RSRP1: variants seen among roughly 807,000 people sequenced by gnomAD.
RSRP1 encodes arginine and serine rich protein 1, also known as arginine/serine-rich protein 1.
A neutral mutation model predicts 33.0 loss-of-function variants in RSRP1; 37 were observed. That is an observed-to-expected ratio of 1.12 (90% CI 0.86 to 1.48). The LOEUF (loss-of-function observed/expected upper bound fraction) is 1.48, where lower values mean the gene tolerates loss of function less well. Among genes scored for constraint, RSRP1 ranks in the 40% most tolerant of loss-of-function variants. The pLI, the probability that RSRP1 is intolerant of heterozygous loss-of-function variation, is 0.00. For synonymous variants in RSRP1, 167 were observed against 158.7 expected, an observed-to-expected ratio of 1.05 and a Z score of -0.40; for missense variants, 402 against 385.3, an observed-to-expected ratio of 1.04 and a Z score of -0.36.
At position 25,242,528 on chromosome 1, in the gene RSRP1, G is replaced by C; in HGVS notation, c.*61C>G. 9.4e-7 allele frequency: 1 copy of C among 1,058,558 alleles called. No homozygotes were observed. The highest frequency in any genetic ancestry group is 2.0e-5 in the Admixed American group (1 of 49,744). 65.6% of individuals were successfully genotyped at this position (1,058,558 alleles called of 1,614,324 possible). A position where few individuals can be genotyped will look rare whatever the true frequency, so the allele number is the denominator to read the frequency against. ...GGCTCAAAGGGATGGGATAATGCTA[G>C]AAACACTAACTTGCAATAAAGTGCA... On this transcript the variant is annotated 3_prime_UTR_variant, in exon 5 of 5. Coordinates refer to ENST00000243189, the MANE Select transcript of RSRP1 (RefSeq NM_020317.5).
At chr1:25,243,739 A>G in intron 3 of RSRP1, 106 bp from the exon 4 acceptor site, 1 of 1,487,554 alleles carries the variant, frequency 6.7e-7, no homozygotes, top group Non-Finnish European at 9.0e-7. Flanking sequence ...TGTAGACACA[A>G]AAATCAACTT....
intron 1 of RSRP1, among the ~76,000 whole-genome samples, chr1:25,256,140 T>C (rs1304644347): frequency 2.6e-5 from 4 of 151,230 alleles, no homozygotes; most frequent in African/African-American, 9.7e-5. Flanking sequence ...AAGTCTTCTA[T>C]CCGGATCTTT....
At chr1:25,262,708 A>G (rs28712173) in intron 1 of RSRP1, among the ~76,000 whole-genome samples, 1,995 of 152,196 alleles carry the variant, frequency 0.013, 43 homozygotes, top group African/African-American at 0.043. Flanking sequence ...GGAAAGGCTG[A>G]TGTAGGTCCT....
chr1:25,272,387 C>T lies in RSRP1; in HGVS notation c.-66-25358G>A, dbSNP rs1362922268. 2.9e-5 allele frequency: 29 copies of T among 1,002,128 alleles called. 4 individuals are homozygous for T. In the African/African-American group the frequency reaches 3.9e-4, roughly 13 times the overall value. The allele number at this position is 1,002,128 out of a possible 1,614,324, so 62.1% of individuals were successfully genotyped here. A position where few individuals can be genotyped will look rare whatever the true frequency, so the allele number is the denominator to read the frequency against. Reference sequence around the variant, plus strand: ...CTCCCCATCATAGTCCCTCTGCTTCCGTGTTAACTCCATAGAGAGGCCAGC... The same window carrying T: ...CTCCCCATCATAGTCCCTCTGCTTCTGTGTTAACTCCATAGAGAGGCCAGC... On this transcript the variant is annotated intron_variant, in intron 1 of 1. Transcript: ENST00000561867.
At chr1:25,250,136 A>T (rs145512634), upstream of RSRP1, among the ~76,000 whole-genome samples, 684 of 152,330 alleles carry the variant, frequency 4.5e-3, 8 homozygotes, top group African/African-American at 0.015. Flanking sequence ...GCAAAAAGTT[A>T]AAAAAGTTAA....
At chr1:25,244,161 G>C in intron 3 of RSRP1, 1 of 1,288,126 alleles carries the variant, frequency 7.8e-7, no homozygotes, top group South Asian at 1.2e-5. Context: ...CACATTTCTG[G>C]AGAATTATAA....
At chr1:25,296,614 C>A (rs72660911) in intron 1 of RSRP1, among the ~76,000 whole-genome samples, 1,362 of 131,614 alleles carry the variant, frequency 0.01, 372 homozygotes, top group Non-Finnish European at 0.02. Context: ...GTAATCCCCA[C>A]GTGTTGAGGG....
chr1:25,307,088 C>G (rs1227968156), intron 1 of RSRP1: 1 of 325,974 alleles, frequency 3.1e-6, no homozygotes, highest in African/African-American at 2.3e-5. Flanking sequence ...TGCGTACTAG[C>G]TGGGCATGTG....
rs1179972707 is a variant in RSRP1 at position 25,298,689 on chromosome 1, A to G, written c.-67+39289T>C. Among the ~76,000 whole-genome samples the G allele has an allele frequency of 3.0e-5, 4 of 131,526 alleles. 1 individual carries two copies. In the South Asian group the frequency reaches 6.9e-4, roughly 23 times the overall value. 86.3% of individuals were successfully genotyped at this position (131,526 alleles called of 152,430 possible). The stretch of plus-strand genomic sequence containing the variant: ...TTTACCATCATTTGTTCCCTTCACA[A>G]ATATTTATTTGGTATTTACTATATA... On this transcript the variant is annotated intron_variant, in intron 1 of 1. Transcript: ENST00000561867.
At chr1:25,337,296 G>T (rs1443639315) in intron 1 of RSRP1, 1 of 151,936 alleles carries the variant, frequency 6.6e-6, no homozygotes, top group African/African-American at 2.4e-5. Context: ...GAGACCGCAC[G>T]TTGCGCCTGT....
chr1:25,333,064 G>T (rs1645038125), intron 1 of RSRP1, among the ~76,000 whole-genome samples: 3 of 131,706 alleles, frequency 2.3e-5, no homozygotes, highest in Admixed American at 2.2e-4. Context: ...AGACCCAACA[G>T]CCTGGGATCC....
Position 25,334,185 on chromosome 1 carries a change from G to A in RSRP1, c.-67+3793C>T, listed in dbSNP as rs1645050647. On this transcript the variant is annotated intron_variant, in intron 1 of 1. Transcript: ENST00000561867. ...TAATTACTTCCTAGATACAATGGGG[G>A]TACAGGCATTGGGTAAATACAGCCA... Among the ~76,000 whole-genome samples the A allele has an allele frequency of 1.5e-5, 2 of 132,038 alleles. 1 individual carries two copies. Among genetic ancestry groups the A allele is most frequent in the Non-Finnish European group, 3.6e-5 (2 of 55,936 alleles). The allele number at this position is 132,038 out of a possible 152,430, so 86.6% of individuals were successfully genotyped here. A position where few individuals can be genotyped will look rare whatever the true frequency, so the allele number is the denominator to read the frequency against.
rs1310563773 is a variant in RSRP1, at chr1:25,268,444, A to T, written c.-66-21415T>A. ...TGAGGAAGGAGAATCGCTTGAACCT[A>T]AAAGGCAGAAGTTGCAATGAGCCAA... On this transcript the variant is annotated intron_variant, in intron 1 of 1. Transcript: ENST00000561867. 2.3e-5 allele frequency among the ~76,000 whole-genome samples: 3 copies of T among 128,122 alleles called. 1 individual carries two copies. Among genetic ancestry groups the T allele is most frequent in the African/African-American group, 8.0e-5 (3 of 37,688 alleles). 84.1% of individuals were successfully genotyped at this position (128,122 alleles called of 152,430 possible). A position where few individuals can be genotyped will look rare whatever the true frequency, so the allele number is the denominator to read the frequency against.
chr1:25,298,980 T>C (rs2904843), intron 1 of RSRP1, among the ~76,000 whole-genome samples: 27,471 of 121,188 alleles, frequency 0.23, 7,422 homozygotes, highest in Admixed American at 0.3. Flanking sequence ...GCACAAGCCA[T>C]ATGGGTACCT....
intron 1 of RSRP1, among the ~76,000 whole-genome samples, chr1:25,273,928 A>G (rs1461708952): frequency 3.1e-5 from 4 of 130,484 alleles, no homozygotes; most frequent in African/African-American, 7.8e-5. Context: ...GGAAGCCCTT[A>G]TACCATTTAA....
intron 1 of RSRP1, among the ~76,000 whole-genome samples, chr1:25,273,206 G>T (rs2124579707): frequency 7.8e-6 from 1 of 128,824 alleles, no homozygotes; most frequent in Admixed American, 7.6e-5. Flanking sequence ...CATGATCATG[G>T]TTCACTGCAG....
chr1:25,315,496 T>A lies in RSRP1; in HGVS notation c.-67+22482A>T, dbSNP rs1347682679. Among the ~76,000 whole-genome samples the A allele has an allele frequency of 3.3e-5, 4 of 122,972 alleles. 1 individual carries two copies. Among genetic ancestry groups the A allele is most frequent in the African/African-American group, 1.2e-4 (4 of 33,766 alleles). 80.7% of individuals were successfully genotyped at this position (122,972 alleles called of 152,430 possible). A position where few individuals can be genotyped will look rare whatever the true frequency, so the allele number is the denominator to read the frequency against. ...CTTTTTAATTTATTTTTCTTTTCTT[T>A]CTTTCTTTTTTTTTTTTTGAGATGG... On this transcript the variant is annotated intron_variant, in intron 1 of 1. Coordinates refer to the RSRP1 transcript ENST00000561867.
intron 1 of RSRP1, among the ~76,000 whole-genome samples, chr1:25,282,316 C>A (rs1301850812): frequency 7.6e-6 from 1 of 131,360 alleles, no homozygotes; most frequent in Non-Finnish European, 1.8e-5. Flanking sequence ...CTCACTGCAA[C>A]CTCTGCCTCC....
At chr1:25,250,005 C>A (rs925073364), upstream of RSRP1, among the ~76,000 whole-genome samples, 2 of 152,084 alleles carry the variant, frequency 1.3e-5, no homozygotes, top group African/African-American at 4.8e-5. Flanking sequence ...AGCCGGCAAC[C>A]GGGAGACAGC....
Sources: gnomAD v4.1 joint callset for allele counts (sites outside exome capture counted in the v4.1 genomes callset) on GRCh38, gnomAD v4.1.1 for gene constraint, MANE v1.5 for transcripts, NCBI Gene and HGNC (gene_info 2026-07-23, HGNC 2026-07-21) for gene names.